IL1RAPL2: variants seen among roughly 807,000 people sequenced by gnomAD.
The protein encoded by IL1RAPL2 is X-linked interleukin-1 receptor accessory protein-like 2.
A neutral mutation model predicts 44.1 loss-of-function variants in IL1RAPL2; 3 were observed. That is an observed-to-expected ratio of 0.07 (90% CI 0.03 to 0.18). The LOEUF (loss-of-function observed/expected upper bound fraction) is 0.18. IL1RAPL2 is among the 10% of genes least tolerant of loss of function. IL1RAPL2 has a pLI of 1.00. For missense variants in IL1RAPL2, 391 were observed against 496.4 expected, an observed-to-expected ratio of 0.79 and a Z score of 2.02; for synonymous variants, 181 against 178.8, an observed-to-expected ratio of 1.01 and a Z score of -0.10.
At position 105,543,895 on chromosome X, in the gene IL1RAPL2, T is replaced by A. The variant is rs756578680; in HGVS notation, c.772+59508T>A. 6.2e-5 allele frequency among the ~76,000 whole-genome samples: 7 copies of A among 112,020 alleles called. No homozygotes were observed. In the South Asian group the frequency reaches 2.6e-3, roughly 41 times the overall value. Reference sequence around the variant, plus strand: ...TCTTTTTCAAGATTGTTTTGGCTATTCTGGGTCTCTTTCATTTCCGTATAA... The same window carrying A: ...TCTTTTTCAAGATTGTTTTGGCTATACTGGGTCTCTTTCATTTCCGTATAA... On this transcript the variant is annotated intron_variant, in intron 6 of 10. Coordinates refer to ENST00000372582, the MANE Select transcript of IL1RAPL2 (RefSeq NM_017416.2).
At chrX:104,785,377 C>T (rs1184208586) in intron 2 of IL1RAPL2, among the ~76,000 whole-genome samples, 1 of 111,454 alleles carries the variant, frequency 9.0e-6, no homozygotes, top group Non-Finnish European at 1.9e-5. Flanking sequence ...TAATAGCCAT[C>T]AAGTAATATA....
chrX:105,612,276 T>G (rs1487988815), intron 6 of IL1RAPL2, among the ~76,000 whole-genome samples: 1 of 110,682 alleles, frequency 9.0e-6, no homozygotes, highest in Non-Finnish European at 1.9e-5. Context: ...TAGCTAATTT[T>G]TTTTATTTTT....
At chrX:104,702,276 C>T (rs1012657045) in intron 2 of IL1RAPL2, among the ~76,000 whole-genome samples, 2 of 111,222 alleles carry the variant, frequency 1.8e-5, no homozygotes, top group Admixed American at 1.9e-4. Flanking sequence ...CAGGAAGAGC[C>T]GTTGCAAACA....
intron 2 of IL1RAPL2, among the ~76,000 whole-genome samples, chrX:104,800,872 G>A (rs1932880878): frequency 8.9e-6 from 1 of 112,106 alleles, no homozygotes; most frequent in South Asian, 3.7e-4. Context: ...TGGAGGGCTG[G>A]CTGCTGTAGT....
chrX:105,454,647 A>G (rs890620026), intron 5 of IL1RAPL2, among the ~76,000 whole-genome samples: 23 of 111,630 alleles, frequency 2.1e-4, no homozygotes, highest in Non-Finnish European at 2.8e-4. Context: ...ACCCTTAACC[A>G]ACAGAGCTGG....
In IL1RAPL2 at chrX:105,033,861, C is replaced by G. The variant is rs758738210; in HGVS notation, c.83-161614C>G. Among the ~76,000 whole-genome samples the G allele has an allele frequency of 6.2e-5, 7 of 112,077 alleles. No homozygotes were observed. In the East Asian group the frequency reaches 2.0e-3, roughly 31 times the overall value. ...TTCTCCCCATCACTTTCAGGTACAC[C>G]AATCAGACATAGATTTGGTCTTTTC... On this transcript the variant is annotated intron_variant, in intron 2 of 10. Coordinates refer to ENST00000372582, the MANE Select transcript of IL1RAPL2 (RefSeq NM_017416.2).
intron 2 of IL1RAPL2, among the ~76,000 whole-genome samples, chrX:104,796,467 G>A (rs1297606499): frequency 8.9e-6 from 1 of 112,182 alleles, no homozygotes; most frequent in Non-Finnish European, 1.9e-5. Flanking sequence ...CTTTCTGGAA[G>A]GGCTCAAGTG....
At chrX:104,768,385 T>G (rs1048905741) in intron 2 of IL1RAPL2, among the ~76,000 whole-genome samples, 1 of 111,527 alleles carries the variant, frequency 9.0e-6, no homozygotes, top group Non-Finnish European at 1.9e-5. Context: ...AAATGATGCC[T>G]CTCCCCTATA....
chrX:104,899,937 G>A (rs1923765398), intron 2 of IL1RAPL2, among the ~76,000 whole-genome samples: 1 of 112,498 alleles, frequency 8.9e-6, no homozygotes, highest in African/African-American at 3.2e-5. Flanking sequence ...CTTCTCTAGA[G>A]ATGAGAAGTG....
intron 2 of IL1RAPL2, among the ~76,000 whole-genome samples, chrX:104,932,209 G>C (rs948962765): frequency 1.8e-5 from 2 of 108,695 alleles, no homozygotes; most frequent in African/African-American, 3.3e-5. Flanking sequence ...ATGTTGGCCA[G>C]GCTGGTCTCG....
chrX:105,370,562 T>C (rs1487668084), intron 5 of IL1RAPL2, among the ~76,000 whole-genome samples: 1 of 112,352 alleles, frequency 8.9e-6, no homozygotes, highest in Non-Finnish European at 1.9e-5. Flanking sequence ...GATATAATTC[T>C]TTTTTCATGG....
intron 2 of IL1RAPL2, among the ~76,000 whole-genome samples, chrX:104,825,033 T>C (rs1921414609): frequency 8.9e-6 from 1 of 111,880 alleles, no homozygotes; most frequent in Admixed American, 9.5e-5. Flanking sequence ...ATAGACGAAA[T>C]ACATTAACTA....
chrX:105,301,227 A>T (rs1181600437), intron 5 of IL1RAPL2, among the ~76,000 whole-genome samples: 1 of 111,598 alleles, frequency 9.0e-6, no homozygotes, highest in Non-Finnish European at 1.9e-5. Flanking sequence ...CAGCAAGAGT[A>T]ATTATTGGTG....
intron 2 of IL1RAPL2, among the ~76,000 whole-genome samples, chrX:104,854,940 T>G (rs1922318246): frequency 9.0e-6 from 1 of 111,544 alleles, no homozygotes; most frequent in Non-Finnish European, 1.9e-5. Context: ...GGCAAGTACT[T>G]TTGGTTGCCG....
At chrX:105,627,909 A>C (rs963785952) in intron 6 of IL1RAPL2, among the ~76,000 whole-genome samples, 4 of 111,781 alleles carry the variant, frequency 3.6e-5, no homozygotes, top group African/African-American at 1.3e-4. Flanking sequence ...CAGGAATGGC[A>C]CCTAAATTGC....
intron 2 of IL1RAPL2, among the ~76,000 whole-genome samples, chrX:104,928,672 G>C (rs760128206): frequency 9.9e-5 from 11 of 111,451 alleles, no homozygotes; most frequent in Non-Finnish European, 2.1e-4. Context: ...AATAAGCACT[G>C]GCCAAAAAAT....
At chrX:105,709,237 G>A (rs1221682532) in intron 6 of IL1RAPL2, among the ~76,000 whole-genome samples, 1 of 111,600 alleles carries the variant, frequency 9.0e-6, no homozygotes, top group Non-Finnish European at 1.9e-5. Context: ...GCAAGGTAGG[G>A]TTTATAGGCA....
intron 2 of IL1RAPL2, among the ~76,000 whole-genome samples, chrX:105,135,046 C>CAAAA (rs56775338): frequency 1.7e-5 from 1 of 57,501 alleles, no homozygotes. Flanking sequence ...TTCAGAGCTA[C>CAAAA]AAAAAAAAAA....
At chrX:104,881,131 A>C (rs1387826864) in intron 2 of IL1RAPL2, among the ~76,000 whole-genome samples, 2 of 111,992 alleles carry the variant, frequency 1.8e-5, no homozygotes, top group Non-Finnish European at 1.9e-5. Context: ...ATGTAAGATT[A>C]TCATCTCATT....
Sources: gnomAD v4.1 joint callset for allele counts (sites outside exome capture counted in the v4.1 genomes callset) on GRCh38, gnomAD v4.1.1 for gene constraint, MANE v1.5 for transcripts, NCBI Gene and HGNC (gene_info 2026-07-23, HGNC 2026-07-21) for gene names.